The following CHSY3 variants were observed in gnomAD, a reference collection of about 807,000 sequenced individuals.
CHSY3 encodes chondroitin sulfate synthase 3.
A neutral mutation model predicts 67.2 loss-of-function variants in CHSY3; 35 were observed. The ratio of observed to expected loss-of-function variants is 0.52; its 90% CI spans 0.40 to 0.69. The LOEUF is 0.69. Among genes scored for constraint, CHSY3 ranks in the 30% least tolerant of loss-of-function variants. The pLI is 0.00. For missense variants in CHSY3, 1,069 were observed against 1,138.5 expected, an observed-to-expected ratio of 0.94 and a Z score of 0.88; for synonymous variants, 474 against 434.7, an observed-to-expected ratio of 1.09 and a Z score of -1.12.
intron 2 of CHSY3, among the ~76,000 whole-genome samples, chr5:130,179,039 T>C (rs1475131874): frequency 6.6e-6 from 1 of 152,240 alleles, no homozygotes; most frequent in Non-Finnish European, 1.5e-5. Context: ...AATTATAGTG[T>C]CCTCCACTTT....
intron 2 of CHSY3, among the ~76,000 whole-genome samples, chr5:130,003,696 G>A (rs1446475359): frequency 6.6e-6 from 1 of 151,808 alleles, no homozygotes; most frequent in Admixed American, 6.6e-5. Context: ...AAGAAGAGAG[G>A]GATTTTAAAG....
Position 130,185,784 on chromosome 5 carries a change from T to A in CHSY3, c.2642T>A (p.Leu881His). The change falls in exon 3 of 3, where the codon CTC (leucine) becomes CAC (histidine). Residue 881 changes from leucine to histidine, a missense_variant. Around this residue, in one of 5 missense-constraint regions of CHSY3, gnomAD observed 139 missense variants for 152.8 expected, o/e 0.91. Transcript: ENST00000305031. ...TTAGGTGTCAGGTACAATCGAACTC[T>A]CTCCTGACAGTCCAGGCAACACATT... is the stretch of plus-strand genomic sequence containing the variant. ...KHLGVRYNRT[L>H]S The A allele has an allele frequency of 1.3e-6, 2 of 1,585,302 alleles. No individual in the cohort carries two copies. Among genetic ancestry groups the A allele is most frequent in the Non-Finnish European group, 1.7e-6 (2 of 1,163,156 alleles).
intron 2 of CHSY3, among the ~76,000 whole-genome samples, chr5:130,083,490 T>G (rs538294575): frequency 6.6e-6 from 1 of 152,148 alleles, no homozygotes; most frequent in South Asian, 2.1e-4. Context: ...AATGATTCCA[T>G]TTTATAAGCA....
chr5:130,029,815 T>C (rs1764655430), intron 2 of CHSY3, among the ~76,000 whole-genome samples: 1 of 152,098 alleles, frequency 6.6e-6, no homozygotes, highest in Non-Finnish European at 1.5e-5. Flanking sequence ...AGAGACAGAA[T>C]TGATTCTCCT....
At chr5:129,949,908 A>T (rs1256555718) in intron 2 of CHSY3, among the ~76,000 whole-genome samples, 1 of 152,148 alleles carries the variant, frequency 6.6e-6, no homozygotes, top group South Asian at 2.1e-4. Context: ...TCATGCCTGT[A>T]ATCCCAGCAC....
At chr5:130,088,041 C>G (rs1411024935) in intron 2 of CHSY3, among the ~76,000 whole-genome samples, 1 of 152,100 alleles carries the variant, frequency 6.6e-6, no homozygotes, top group Non-Finnish European at 1.5e-5. Flanking sequence ...TGGAATAGAA[C>G]AGAGCTCTCA....
chr5:130,089,226 G>T (rs1257260307), intron 2 of CHSY3, among the ~76,000 whole-genome samples: 23 of 105,474 alleles, frequency 2.2e-4, no homozygotes, highest in African/African-American at 8.4e-4. Context: ...CTGTTGTGGG[G>T]TGGGGGGTGG....
chr5:130,131,712 C>A (rs1460696611), intron 2 of CHSY3, among the ~76,000 whole-genome samples: 2 of 152,124 alleles, frequency 1.3e-5, no homozygotes, highest in African/African-American at 4.8e-5. Context: ...TTCAAAGGCC[C>A]TATAGAGTTG....
At chr5:130,123,360 T>A (rs141786760) in intron 2 of CHSY3, among the ~76,000 whole-genome samples, 254 of 152,284 alleles carry the variant, frequency 1.7e-3, no homozygotes, top group African/African-American at 5.9e-3. Flanking sequence ...TTATAGAAGA[T>A]AGTCTTTCCA....
At chr5:129,947,482 G>T (rs1761892564) in intron 2 of CHSY3, among the ~76,000 whole-genome samples, 1 of 151,988 alleles carries the variant, frequency 6.6e-6, no homozygotes, top group Non-Finnish European at 1.5e-5. Flanking sequence ...AATTAGCCGG[G>T]TTTGGTGGCG....
Position 130,083,706 on chromosome 5 carries a change from A to G in CHSY3, c.1087-100523A>G, listed in dbSNP as rs554951644. ...CCAATGCGTCTTTCTAAAGTACATTATACTTCAGTGAATTCTTGACATACA... is the reference window on the plus strand; with the variant it reads ...CCAATGCGTCTTTCTAAAGTACATTGTACTTCAGTGAATTCTTGACATACA... On this transcript the variant is annotated intron_variant, in intron 2 of 2. Coordinates refer to ENST00000305031, the MANE Select transcript of CHSY3 (RefSeq NM_175856.5). 2.6e-5 allele frequency among the ~76,000 whole-genome samples: 4 copies of G among 152,176 alleles called. No individual in the cohort carries two copies. In the East Asian group the frequency reaches 5.8e-4, roughly 22 times the overall value.
intron 2 of CHSY3, among the ~76,000 whole-genome samples, chr5:130,174,868 T>G (rs1028101552): frequency 6.6e-6 from 1 of 152,198 alleles, no homozygotes; most frequent in Non-Finnish European, 1.5e-5. Context: ...AGAGCCTGGC[T>G]CCATCCATGG....
intron 2 of CHSY3, among the ~76,000 whole-genome samples, chr5:130,076,311 C>CTT (rs79134351): frequency 2.8e-5 from 4 of 141,662 alleles, no homozygotes; most frequent in African/African-American, 2.6e-5. Flanking sequence ...TTTTTTCTTT[C>CTT]TTTTTTTTTT....
chr5:130,184,656 T>C lies in CHSY3; in HGVS notation c.1514T>C (p.Met505Thr). The change falls in exon 3 of 3, where the codon ATG (methionine) becomes ACG (threonine). Residue 505 changes from methionine to threonine, a missense_variant. Coordinates refer to ENST00000305031, the MANE Select transcript of CHSY3 (RefSeq NM_175856.5). ...LDDTVLQVME[M>T]INENAKSRGR... ...GATACCGTCCTACAGGTGATGGAGA[T>C]GATCAATGAGAATGCCAAGAGCAGA... is the stretch of plus-strand genomic sequence containing the variant. 1 of 1,604,726 alleles carries C rather than the reference T, an allele frequency of 6.2e-7. No homozygotes were observed. The highest frequency in any genetic ancestry group is 8.5e-7 in the Non-Finnish European group (1 of 1,171,440).
chr5:130,143,756 A>ATATATATATATATGTG (rs1433405052), intron 2 of CHSY3, among the ~76,000 whole-genome samples: 6 of 101,916 alleles, frequency 5.9e-5, no homozygotes, highest in African/African-American at 2.9e-4. Flanking sequence ...ATATATATAT[A>ATATATATATATATGTG]TGTGTGTGTG....
chr5:130,009,768 A>G (rs1018661570), intron 2 of CHSY3, among the ~76,000 whole-genome samples: 5 of 152,200 alleles, frequency 3.3e-5, no homozygotes, highest in African/African-American at 1.2e-4. Flanking sequence ...AGTGACACCC[A>G]TAGGCTCAAA....
intron 2 of CHSY3, among the ~76,000 whole-genome samples, chr5:129,914,595 C>A (rs1387702867): frequency 6.6e-6 from 1 of 152,196 alleles, no homozygotes; most frequent in Non-Finnish European, 1.5e-5. Flanking sequence ...AAGCAGTAAG[C>A]TTCTCACACC....
chr5:130,184,265 C>T lies in CHSY3; in HGVS notation c.1123C>T (p.Arg375Trp), dbSNP rs1033562678. The T allele has an allele frequency of 2.5e-6, 4 of 1,591,484 alleles. No individual in the cohort carries two copies. The highest frequency in any genetic ancestry group is 1.7e-5 in the Admixed American group (1 of 57,168). Residue 375 changes from arginine to tryptophan, a missense_variant, in exon 3 of 3, where the codon CGG (arginine) becomes TGG (tryptophan). Transcript: ENST00000305031. ...GTTCCATGAAAATTATGAACACAAT[C>T]GGAAGGGTTACATCCAAGACCTTCA... ...QLFHENYEHN[R>W]KGYIQDLHNS...
At chr5:130,082,593 G>T (rs761824239) in intron 2 of CHSY3, among the ~76,000 whole-genome samples, 1 of 151,786 alleles carries the variant, frequency 6.6e-6, no homozygotes, top group Admixed American at 6.6e-5. Context: ...GATTAATCTG[G>T]CCAAATTCCT....
Sources: gnomAD v4.1 joint callset for allele counts (sites outside exome capture counted in the v4.1 genomes callset) on GRCh38, gnomAD v4.1.1 for gene constraint, gnomAD v4.1.1 regional missense constraint, MANE v1.5 for transcripts, NCBI Gene and HGNC (gene_info 2026-07-23, HGNC 2026-07-21) for gene names.